KMT2C: variants seen among roughly 807,000 people sequenced by gnomAD.
KMT2C encodes lysine methyltransferase 2C.
KMT2C carries 88 observed loss-of-function variants against 507.9 expected under a neutral mutation model. That is an observed-to-expected ratio of 0.17 (90% confidence interval 0.15 to 0.21). KMT2C has a LOEUF of 0.21. Ranked by LOEUF, KMT2C falls within the 10% of genes least tolerant of loss-of-function variation. KMT2C has a pLI of 1.00. For missense variants in KMT2C, 4,954 were observed against 5,957.8 expected, an observed-to-expected ratio of 0.83 and a Z score of 5.55; for synonymous variants, 2,049 against 2,080.8, an observed-to-expected ratio of 0.98 and a Z score of 0.42.
In KMT2C at chr7:152,179,896, T is replaced by C. The variant is rs958410684; in HGVS notation, c.7380A>G (p.Lys2460=). ...PLGPRYAVFP[K]DQRGPYPPDV... is the part of the protein sequence containing the mutation. ...CAGGAGGATAGGGTCCACGCTGATCTTTTGGGAAAACAGCATATCTAGGTC... is the reference window on the plus strand; with the variant it reads ...CAGGAGGATAGGGTCCACGCTGATCCTTTGGGAAAACAGCATATCTAGGTC... The change falls in exon 37 of 59, where the codon AAA becomes AAG. Residue 2460 remains lysine (K), a synonymous_variant. Coordinates refer to ENST00000262189, the MANE Select transcript of KMT2C (RefSeq NM_170606.3). The C allele has an allele frequency of 1.9e-6, 3 of 1,613,986 alleles. No individual in the cohort carries two copies. The African/African-American group carries it at 4.0e-5, about 22-fold the overall frequency.
intron 1 of KMT2C, among the ~76,000 whole-genome samples, chr7:152,360,940 TA>T (rs35541469): frequency 5.5e-5 from 8 of 144,258 alleles, no homozygotes; most frequent in East Asian, 3.9e-4. Context: ...TAACCAAAAA[TA>T]AAAAAAAGGA....
chr7:152,330,538 A>G (rs2096872984), intron 3 of KMT2C, 63 bp downstream of exon 3: 2 of 1,492,002 alleles, frequency 1.3e-6, no homozygotes. Context: ...AATTTTCTCT[A>G]TAGTCATTTC....
intron 1 of KMT2C, among the ~76,000 whole-genome samples, chr7:152,421,221 T>C (rs1289189337): frequency 2.6e-5 from 4 of 152,112 alleles, no homozygotes; most frequent in Admixed American, 6.6e-5. Flanking sequence ...AGAATGGCTA[T>C]GATTAAAAAG....
intron 3 of KMT2C, among the ~76,000 whole-genome samples, chr7:152,326,555 T>A (rs1015674404): frequency 2.0e-5 from 3 of 152,148 alleles, no homozygotes; most frequent in Non-Finnish European, 4.4e-5. Flanking sequence ...ACATATTCAT[T>A]TAGAACATTT....
At chr7:152,280,441 C>T (rs1001702251) in intron 6 of KMT2C, among the ~76,000 whole-genome samples, 8 of 152,226 alleles carry the variant, frequency 5.3e-5, no homozygotes, top group Non-Finnish European at 1.2e-4. Flanking sequence ...ATCCCGGCCA[C>T]CTGGGAGGCT....
chr7:152,248,136 T>C lies in KMT2C; in HGVS notation c.2298A>G (p.Thr766=), dbSNP rs2095506753. 2 of 1,614,214 alleles carry C rather than the reference T, an allele frequency of 1.2e-6. No individual in the cohort carries two copies. Among genetic ancestry groups the C allele is most frequent in the Non-Finnish European group, 1.7e-6 (2 of 1,179,998 alleles). ...GGKSIKLSSE[T]ESSFSSSADI... ...CTGCTGATGATGAAAATGATGACTC[T>C]GTCTCAGATGATAACTTTATAGATT... The change falls in exon 14 of 59, where the codon ACA becomes ACG. Residue 766 remains threonine, a synonymous_variant. Coordinates refer to ENST00000262189, the MANE Select transcript of KMT2C (RefSeq NM_170606.3).
At position 152,163,748 on chromosome 7, in the gene KMT2C, G is replaced by T. The variant is rs1487130537; in HGVS notation, c.9829C>A (p.Pro3277Thr). ...TGGACACTGGGCATCATGGTAGGTG[G>T]GGCCATTGCACATTGCTGCTGCTGT... is the stretch of plus-strand genomic sequence containing the variant. ...IKQQQQCAMA[P>T]PTMMPSVQPQ... The change falls in exon 43 of 59, where the codon CCA (proline) becomes ACA (threonine). Residue 3277 changes from proline to threonine, a missense_variant. Pro to Thr is a conservative substitution (Grantham distance 38, BLOSUM62 -1). Coordinates refer to ENST00000262189, the MANE Select transcript of KMT2C (RefSeq NM_170606.3). The T allele has an allele frequency of 6.2e-7, 1 of 1,614,026 alleles. No individual in the cohort carries two copies. Among genetic ancestry groups the T allele is most frequent in the Non-Finnish European group, 8.5e-7 (1 of 1,180,038 alleles).
intron 1 of KMT2C, among the ~76,000 whole-genome samples, chr7:152,372,695 A>T (rs1258511474): frequency 6.6e-6 from 1 of 152,218 alleles, no homozygotes; most frequent in Non-Finnish European, 1.5e-5. Flanking sequence ...TACATGCCCC[A>T]ATTTGGAGCA....
chr7:152,178,008 A>G lies in KMT2C; in HGVS notation c.7445T>C (p.Phe2482Ser), dbSNP rs530218895. 5.6e-5 allele frequency: 71 copies of G among 1,274,004 alleles called. No individual in the cohort carries two copies. In the South Asian group the frequency reaches 1.5e-3, roughly 27 times the overall value. The allele number at this position is 1,274,004 out of a possible 1,614,324, so 78.9% of individuals were successfully genotyped here. ...ACCATGACTACCTCCTGGAAATCCA[A>G]ATCTTTTAAAAAAAAAAAAAAAAAA... Reference protein sequence around the residue: ...SMGMRPHGFRFGFPGGSHGTM... With the variant: ...SMGMRPHGFRSGFPGGSHGTM... Residue 2482 changes from phenylalanine (F) to serine (S), a missense_variant and splice_region_variant, in exon 38 of 59, where the codon TTT becomes TCT. Phe to Ser is a radical substitution (Grantham distance 155, BLOSUM62 -2). Around this residue, in one of 29 missense-constraint regions of KMT2C, gnomAD observed 1,689 missense variants for 1,654.3 expected, o/e 1.02. Transcript: ENST00000262189.
intron 6 of KMT2C, among the ~76,000 whole-genome samples, chr7:152,290,226 G>GTA (rs1733370374): frequency 1.1e-5 from 1 of 95,044 alleles, no homozygotes; most frequent in Admixed American, 1.2e-4. Flanking sequence ...ATATATGTGT[G>GTA]TGTGTGTGTG....
chr7:152,260,511 G>T (rs559696301), intron 9 of KMT2C, among the ~76,000 whole-genome samples: 2 of 151,990 alleles, frequency 1.3e-5, no homozygotes, highest in Non-Finnish European at 2.9e-5. Flanking sequence ...GGGGTGGCGT[G>T]GGGGATGGGG....
At chr7:152,263,442 C>A (rs2129172571) in intron 8 of KMT2C, among the ~76,000 whole-genome samples, 1 of 152,266 alleles carries the variant, frequency 6.6e-6, no homozygotes, top group African/African-American at 2.4e-5. Flanking sequence ...GAGGAAGGTG[C>A]TATAACTGAT....
In KMT2C at chr7:152,180,771, T is replaced by C; in HGVS notation, c.7089A>G (p.Gly2363=). ...TTACAGTATTCTGTGTATCAGTTAC[T>C]CCTGAAGTTGGCACAGGTCCAGGAA... is the stretch of plus-strand genomic sequence containing the variant. ...SQLPGPVPTS[G]VTDTQNTVNM... Residue 2363 remains glycine, a synonymous_variant, in exon 36 of 59, where the codon GGA becomes GGG. Coordinates refer to ENST00000262189, the MANE Select transcript of KMT2C (RefSeq NM_170606.3). The C allele has an allele frequency of 6.2e-7, 1 of 1,614,188 alleles. No individual in the cohort carries two copies. The highest frequency in any genetic ancestry group is 8.5e-7 in the Non-Finnish European group (1 of 1,180,016).
At chr7:152,327,983 G>GA (rs953229088) in intron 3 of KMT2C, among the ~76,000 whole-genome samples, 198 of 145,346 alleles carry the variant, frequency 1.4e-3, no homozygotes, top group African/African-American at 4.6e-3. Flanking sequence ...AAAGAAAAAA[G>GA]AAAAAAAAAT....
chr7:152,330,898 T>C (rs1353375505), intron 2 of KMT2C, among the ~76,000 whole-genome samples, 159 bp from the exon 3 acceptor site: 5 of 152,258 alleles, frequency 3.3e-5, no homozygotes, highest in Admixed American at 1.3e-4. Flanking sequence ...ATTAGTGGTA[T>C]TGTGCATCTT....
chr7:152,422,263 A>G (rs1481843342), intron 1 of KMT2C, among the ~76,000 whole-genome samples: 1 of 149,036 alleles, frequency 6.7e-6, no homozygotes, highest in Non-Finnish European at 1.5e-5. Context: ...CCTGGCCAAC[A>G]CGGCAAAACC....
chr7:152,295,785 G>C (rs1013568148), intron 6 of KMT2C, among the ~76,000 whole-genome samples: 2 of 152,122 alleles, frequency 1.3e-5, no homozygotes, highest in Non-Finnish European at 2.9e-5. Flanking sequence ...ATGAACGCTC[G>C]GCTGGGCGCA....
At position 152,181,497 on chromosome 7, in the gene KMT2C, G is replaced by T. The variant is rs1174807837; in HGVS notation, c.6363C>A (p.Thr2121=). ...GGTCCTGAGATGTTGGCCTTGATAT[G>T]GTTCCAGGCTGGGAAAAAGCCCTTG... ...HPSRAFSQPG[T]ISRPTSQDPY... The change falls in exon 36 of 59, where the codon ACC becomes ACA. Residue 2121 remains threonine (T), a synonymous_variant. Transcript: ENST00000262189. 1 of 1,614,058 alleles carries T rather than the reference G, an allele frequency of 6.2e-7. No homozygotes were observed.
intron 22 of KMT2C, among the ~76,000 whole-genome samples, 167 bp from the exon 23 acceptor site, chr7:152,220,902 A>C (rs1390735990): frequency 6.6e-6 from 1 of 152,230 alleles, no homozygotes; most frequent in Non-Finnish European, 1.5e-5. Flanking sequence ...AATAAAAACT[A>C]TGAACAATAG....
Sources: allele counts gnomAD v4.1 joint callset (sites outside exome capture counted in the v4.1 genomes callset), GRCh38; gene constraint gnomAD v4.1.1; regional missense constraint gnomAD v4.1.1; transcripts MANE v1.5; gene names NCBI Gene and HGNC (gene_info 2026-07-23, HGNC 2026-07-21).